Variants in DOCK10 observed in about 807,000 individuals in gnomAD.
The protein encoded by DOCK10 is dedicator of cytokinesis protein 10.
DOCK10 carries 145 observed loss-of-function variants against 280.1 expected under a neutral mutation model. The observed-to-expected ratio is 0.52, with a 90% CI of 0.45 to 0.59. The LOEUF is 0.59. Ranked by LOEUF, DOCK10 falls within the 20% of genes least tolerant of loss-of-function variation. The pLI is 0.00. For synonymous variants in DOCK10, 915 were observed against 942.2 expected (o/e 0.97, Z 0.53); for missense variants, 2,368 against 2,651.7 (o/e 0.89, Z 2.35).
At chr2:224,844,381 C>G (rs571724349) in intron 22 of DOCK10, among the ~76,000 whole-genome samples, 1 of 152,156 alleles carries the variant, frequency 6.6e-6, no homozygotes, top group Non-Finnish European at 1.5e-5. Context: ...CTGCCCGCCT[C>G]GGCCTCCCAA....
chr2:224,869,242 T>C (rs572413563), intron 11 of DOCK10, among the ~76,000 whole-genome samples: 1 of 152,364 alleles, frequency 6.6e-6, no homozygotes, highest in South Asian at 2.1e-4. Context: ...AGAAATATTT[T>C]ATACTACAAA....
intron 1 of DOCK10, among the ~76,000 whole-genome samples, chr2:225,039,439 T>G (rs532434532): frequency 1.1e-3 from 161 of 152,350 alleles, no homozygotes; most frequent in African/African-American, 3.7e-3. Context: ...TTGAAATGTA[T>G]GTTTTTGTTC....
intron 4 of DOCK10, among the ~76,000 whole-genome samples, chr2:224,892,546 C>G (rs115890751): frequency 1.1e-4 from 17 of 152,016 alleles, no homozygotes; most frequent in Non-Finnish European, 2.1e-4. Context: ...TGGCCTCTCT[C>G]GAGAGGTAAC....
intron 1 of DOCK10, among the ~76,000 whole-genome samples, chr2:224,960,730 C>CTTTTTTTTTTTTTTTTTTTT (rs71281764): frequency 1.4e-5 from 1 of 70,254 alleles, no homozygotes; most frequent in Admixed American, 1.9e-4. Context: ...TCACCAAATT[C>CTTTTTTTTTTTTTTTTTTTT]TTTTTTTTTT....
At chr2:224,946,942 G>A (rs1325943110) in intron 1 of DOCK10, 11 of 1,541,676 alleles carry the variant, frequency 7.1e-6, no homozygotes, top group Admixed American at 2.0e-5. Context: ...ACCTTCCCTC[G>A]AAAACTCATC....
rs553990214 is a variant in DOCK10, at chr2:224,804,860, C to A, written c.4119-19G>T. 2.5e-5 allele frequency: 37 copies of A among 1,487,450 alleles called. No individual in the cohort carries two copies. Among genetic ancestry groups the A allele is most frequent in the East Asian group, 1.5e-4 (6 of 39,466 alleles). The allele number at this position is 1,487,450 out of a possible 1,614,324, so 92.1% of individuals were successfully genotyped here. On this transcript the variant is annotated intron_variant, in intron 37 of 55. Coordinates refer to ENST00000258390, the MANE Select transcript of DOCK10 (RefSeq NM_014689.3). ...ACAAACGCTAGAAAGGAGAAAAAAA[C>A]CACATTTTAATTATTCATATTCTTT... is the stretch of plus-strand genomic sequence containing the variant.
At chr2:224,875,977 G>C in intron 8 of DOCK10, 61 bp downstream of exon 8, 1 of 1,542,216 alleles carries the variant, frequency 6.5e-7, no homozygotes, top group Middle Eastern at 1.7e-4. Flanking sequence ...AGCAGCTTTA[G>C]TGAACCAAAA....
Position 224,919,130 on chromosome 2 carries a change from C to T in DOCK10, c.244-2346G>A, listed in dbSNP as rs188710335. Among the ~76,000 whole-genome samples the T allele has an allele frequency of 2.8e-4, 32 of 115,650 alleles. 2 individuals carry two copies. In the East Asian group the frequency reaches 7.5e-3, roughly 27 times the overall value. The allele number at this position is 115,650 out of a possible 152,430, so 75.9% of individuals were successfully genotyped here. ...GGTGAGTTTATGTGTATGTGTGGCA[C>T]GTATATGTGTGGTGTGTGTATGTGT... On this transcript the variant is annotated intron_variant, in intron 2 of 55. Coordinates refer to ENST00000258390, the MANE Select transcript of DOCK10 (RefSeq NM_014689.3).
At chr2:224,804,312 T>A in intron 38 of DOCK10, 99 bp from the exon 39 acceptor site, 1 of 662,284 alleles carries the variant, frequency 1.5e-6, no homozygotes, top group Non-Finnish European at 2.6e-6. Flanking sequence ...CAATGAAATA[T>A]TTCACATGCT....
intron 2 of DOCK10, 28 bp from the exon 3 acceptor site, chr2:224,916,812 GTCCTCCGGCT>G: frequency 6.4e-7 from 1 of 1,570,864 alleles, no homozygotes; most frequent in Non-Finnish European, 8.7e-7. Context: ...AAGAAATTGA[GTCCTCCGGCT>G]TAGAAGTGTC....
At chr2:224,996,058 C>T (rs560602986) in intron 1 of DOCK10, among the ~76,000 whole-genome samples, 2 of 152,328 alleles carry the variant, frequency 1.3e-5, no homozygotes, top group South Asian at 2.1e-4. Flanking sequence ...TAGGCCATTA[C>T]TTGGCCTAAC....
intron 7 of DOCK10, among the ~76,000 whole-genome samples, chr2:224,878,185 C>A (rs1215995237): frequency 2.0e-5 from 3 of 152,154 alleles, no homozygotes; most frequent in African/African-American, 4.8e-5. Context: ...AGACTGTCCC[C>A]AGATAGCTGT....
intron 28 of DOCK10, among the ~76,000 whole-genome samples, chr2:224,820,870 CA>C (rs1694461733): frequency 6.6e-6 from 1 of 152,094 alleles, no homozygotes; most frequent in African/African-American, 2.4e-5. Context: ...TGAAACAAAG[CA>C]GTGGTTAGTC....
chr2:225,006,589 C>T (rs968984914), intron 1 of DOCK10, among the ~76,000 whole-genome samples: 33 of 152,324 alleles, frequency 2.2e-4, no homozygotes, highest in African/African-American at 7.7e-4. Context: ...GGTAATGTCT[C>T]TGTCTTCTAA....
In DOCK10 at chr2:224,845,288, T is replaced by C; in HGVS notation, c.2396A>G (p.Gln799Arg). The change falls in exon 21 of 56, where the codon CAG (glutamine) becomes CGG (arginine). Residue 799 changes from glutamine to arginine, a missense_variant. Transcript: ENST00000258390. ...GATGTTGTACTCTTGAGAAGCTATC[T>C]GATCGTGTTTCATCAGAGGAAGCCA... ...YAWLPLMKHD[Q>R]IASQEYNIPI... The C allele has an allele frequency of 1.3e-6, 2 of 1,590,312 alleles. No homozygotes were observed. The highest frequency in any genetic ancestry group is 1.1e-5 in the South Asian group (1 of 87,394).
chr2:225,021,473 T>C (rs1169853133), intron 1 of DOCK10, among the ~76,000 whole-genome samples: 1 of 152,180 alleles, frequency 6.6e-6, no homozygotes, highest in African/African-American at 2.4e-5. Flanking sequence ...TTGCTAAAAA[T>C]ATGTCATTAA....
chr2:224,818,555 G>A (rs1412362577), intron 29 of DOCK10, among the ~76,000 whole-genome samples: 2 of 152,036 alleles, frequency 1.3e-5, no homozygotes, highest in African/African-American at 2.4e-5. Flanking sequence ...CCGCAACCAC[G>A]CCCGGCTAAT....
At chr2:224,973,617 G>T (rs1406572824) in intron 1 of DOCK10, among the ~76,000 whole-genome samples, 1 of 152,072 alleles carries the variant, frequency 6.6e-6, no homozygotes, top group Non-Finnish European at 1.5e-5. Flanking sequence ...ATCCGTTTCA[G>T]ATTTCTGATC....
intron 50 of DOCK10, among the ~76,000 whole-genome samples, chr2:224,784,470 A>G (rs1691592488): frequency 6.6e-6 from 1 of 152,228 alleles, no homozygotes; most frequent in African/African-American, 2.4e-5. Context: ...TTGTGTATGT[A>G]AGGCTTTCAG....
Sources: gnomAD v4.1 joint callset for allele counts (sites outside exome capture counted in the v4.1 genomes callset) on GRCh38, gnomAD v4.1.1 for gene constraint, MANE v1.5 for transcripts, NCBI Gene and HGNC (gene_info 2026-07-23, HGNC 2026-07-21) for gene names.